Variants in SPEN observed in about 807,000 individuals in gnomAD.
SPEN encodes spen family transcriptional repressor.
Under a neutral mutation model 269.9 loss-of-function variants are expected in SPEN, and 18 were observed. The ratio of observed to expected loss-of-function variants is 0.07; its 90% CI spans 0.05 to 0.10. The LOEUF is 0.10. SPEN is among the 10% of genes least tolerant of loss of function. The pLI is 1.00. For synonymous variants in SPEN, 1,726 were observed against 1,765.7 expected, an observed-to-expected ratio of 0.98 and a Z score of 0.56; for missense variants, 3,822 against 4,631.2, an observed-to-expected ratio of 0.83 and a Z score of 5.07.
chr1:15,901,928 G>GTT (rs35730805), intron 3 of SPEN, among the ~76,000 whole-genome samples: 32 of 100,256 alleles, frequency 3.2e-4, no homozygotes, highest in East Asian at 5.0e-4. Flanking sequence ...TATTTATTTA[G>GTT]TTTTTTTTTT....
intron 3 of SPEN, among the ~76,000 whole-genome samples, chr1:15,878,033 C>G (rs1448320122): frequency 1.3e-5 from 2 of 152,102 alleles, no homozygotes; most frequent in Non-Finnish European, 2.9e-5. Context: ...GTGTGAGCTA[C>G]TGCGCCTGGC....
At position 15,929,769 on chromosome 1, in the gene SPEN, C is replaced by T. The variant is rs1409348994; in HGVS notation, c.3529C>T (p.Arg1177Cys). 1.2e-6 allele frequency: 2 copies of T among 1,613,888 alleles called. No homozygotes were observed. Among genetic ancestry groups the T allele is most frequent in the African/African-American group, 1.3e-5 (1 of 74,878 alleles). The change falls in exon 11 of 15, where the codon CGT becomes TGT. Residue 1177 changes from arginine to cysteine, a missense_variant. Around this residue, in one of 16 missense-constraint regions of SPEN, gnomAD observed 46 missense variants for 94.0 expected, o/e 0.49. Transcript: ENST00000375759. The surrounding 1 kb of genome is among the most constrained non-coding windows in gnomAD (Gnocchi z 5.8). ...TTACCGAAAACAAATGGAACAGAGT[C>T]GTAGGAAACAGCAGATGGAAATGGA... ...QSYRKQMEQS[R>C]RKQQMEMEIA...
At position 15,940,262 on chromosome 1, in the gene SPEN, C is replaced by T. The variant is rs768288399; in HGVS notation, c.*835C>T. On this transcript the variant is annotated 3_prime_UTR_variant, in exon 15 of 15. Coordinates refer to ENST00000375759, the MANE Select transcript of SPEN (RefSeq NM_015001.3). ...TTTGTATAAGTGCGCTTCGGTACAG[C>T]ACGGGTCCTGCTCCCGCGATGTGGA... 4.3e-6 allele frequency: 1 copy of T among 233,104 alleles called. No individual in the cohort carries two copies. The highest frequency in any genetic ancestry group is 6.0e-5 in the East Asian group (1 of 16,556). 14.4% of individuals were successfully genotyped at this position (233,104 alleles called of 1,614,324 possible).
In SPEN at chr1:15,939,570, C is replaced by A; in HGVS notation, c.*143C>A. The A allele has an allele frequency of 1.0e-6, 1 of 998,826 alleles. No individual in the cohort carries two copies. The highest frequency in any genetic ancestry group is 1.4e-6 in the Non-Finnish European group (1 of 711,934). 61.9% of individuals were successfully genotyped at this position (998,826 alleles called of 1,614,324 possible). On this transcript the variant is annotated 3_prime_UTR_variant, in exon 15 of 15. Coordinates refer to ENST00000375759, the MANE Select transcript of SPEN (RefSeq NM_015001.3). The surrounding 1 kb of genome is among the most constrained non-coding windows in gnomAD (Gnocchi z 4.1). ...GCCAGCCGTTTGCTGTCCTGCCGCC[C>A]GGCTCAGTCGGCCAGACTTCCTCTA...
At chr1:15,923,868 C>T (rs1334849736) in intron 10 of SPEN, among the ~76,000 whole-genome samples, 1 of 152,078 alleles carries the variant, frequency 6.6e-6, no homozygotes, top group Admixed American at 6.6e-5. Flanking sequence ...CGGGGTTTCA[C>T]CATATTGGTC....
chr1:15,916,818 A>T (rs539581888), intron 6 of SPEN, among the ~76,000 whole-genome samples: 45 of 152,260 alleles, frequency 3.0e-4, no homozygotes, highest in Middle Eastern at 3.4e-3. Context: ...TCTGGAAGAG[A>T]AAAATGTTTG....
At chr1:15,888,895 G>C (rs1570009393) in intron 3 of SPEN, among the ~76,000 whole-genome samples, 3 of 152,246 alleles carry the variant, frequency 2.0e-5, no homozygotes, top group South Asian at 2.1e-4. Context: ...CTCCCAAAGT[G>C]CTGGGATTAC....
chr1:15,861,631 C>A (rs149521374), intron 1 of SPEN, among the ~76,000 whole-genome samples: 1 of 152,182 alleles, frequency 6.6e-6, no homozygotes, highest in Non-Finnish European at 1.5e-5. Context: ...CCATTCCCAG[C>A]AAGGACTCTC....
At chr1:15,852,238 A>G (rs2070343464) in intron 1 of SPEN, among the ~76,000 whole-genome samples, 1 of 152,082 alleles carries the variant, frequency 6.6e-6, no homozygotes, top group African/African-American at 2.4e-5. Context: ...TTCATTTGAG[A>G]CCAGAAGGTT....
At chr1:15,919,538 T>C in intron 8 of SPEN, 21 bp downstream of exon 8, 8 of 1,511,200 alleles carry the variant, frequency 5.3e-6, no homozygotes, top group Non-Finnish European at 7.2e-6. Flanking sequence ...GGTTTTGGTA[T>C]GTGGTTCAGA....
At position 15,934,258 on chromosome 1, in the gene SPEN, AG is replaced by A; in HGVS notation, c.8021del (p.Gly2674AlafsTer3). On this transcript the variant is annotated frameshift_variant, in exon 11 of 15. Transcript: ENST00000375759. LOFTEE classifies it high-confidence loss of function. The surrounding 1 kb of genome is among the most constrained non-coding windows in gnomAD (Gnocchi z 9.2). ...GTGAATGCCCTGAAAGGCCCCGTGA[AG>A]GGCTCAGTGACCACACTGAAAAGTT... ...VPVNALKGPV[K>X]GSVTTLKSLV... 1 of 1,614,254 alleles carries A rather than the reference AG, an allele frequency of 6.2e-7. No homozygotes were observed. The highest frequency in any genetic ancestry group is 2.2e-5 in the East Asian group (1 of 44,890).
intron 4 of SPEN, among the ~76,000 whole-genome samples, chr1:15,910,103 G>A (rs1023538782): frequency 8.3e-5 from 11 of 132,288 alleles, no homozygotes; most frequent in Non-Finnish European, 1.5e-4. Flanking sequence ...CAGCCTGGGC[G>A]ACAGAGCGAG....
chr1:15,911,866 C>T (rs1005826592), intron 5 of SPEN, among the ~76,000 whole-genome samples: 2 of 152,084 alleles, frequency 1.3e-5, no homozygotes, highest in African/African-American at 2.4e-5. Context: ...GAGGCTGAGG[C>T]GGGAGAATCG....
chr1:15,873,499 A>G, intron 2 of SPEN: 1 of 1,009,374 alleles, frequency 9.9e-7, no homozygotes, highest in Non-Finnish European at 1.2e-6. Flanking sequence ...TTTTGTGTTC[A>G]TACTATATGG....
intron 1 of SPEN, among the ~76,000 whole-genome samples, chr1:15,865,013 T>C (rs1569978089): frequency 6.6e-6 from 1 of 151,964 alleles, no homozygotes; most frequent in Non-Finnish European, 1.5e-5. Context: ...TTTTAAGATT[T>C]TGAGTGAAAT....
chr1:15,869,676 A>T (rs1423078300), intron 1 of SPEN, among the ~76,000 whole-genome samples: 1 of 150,000 alleles, frequency 6.7e-6, no homozygotes, highest in Admixed American at 6.6e-5. Context: ...TGACTCACTC[A>T]TGGCCATTTT....
chr1:15,896,768 A>G (rs1238130863), intron 3 of SPEN, among the ~76,000 whole-genome samples: 1 of 152,318 alleles, frequency 6.6e-6, no homozygotes, highest in East Asian at 1.9e-4. Flanking sequence ...AGGAAAAATT[A>G]CTAGCTTGGG....
intron 1 of SPEN, among the ~76,000 whole-genome samples, chr1:15,862,728 G>A (rs1480006888): frequency 6.6e-6 from 1 of 151,354 alleles, no homozygotes; most frequent in Non-Finnish European, 1.5e-5. Flanking sequence ...TTTCGGTGAA[G>A]TGCGGGTAGC....
chr1:15,861,467 G>A (rs894923748), intron 1 of SPEN, among the ~76,000 whole-genome samples: 3 of 152,048 alleles, frequency 2.0e-5, no homozygotes, highest in Non-Finnish European at 2.9e-5. Context: ...AAAGTCACTA[G>A]TTAAGTGAAA....
Sources: gnomAD v4.1 joint callset for allele counts (sites outside exome capture counted in the v4.1 genomes callset) on GRCh38, gnomAD v4.1.1 for gene constraint, gnomAD v4.1.1 regional missense constraint, Gnocchi (gnomAD v3.1) non-coding constraint, MANE v1.5 for transcripts, NCBI Gene and HGNC (gene_info 2026-07-23, HGNC 2026-07-21) for gene names.